Variants in THSD7A observed in about 807,000 individuals in gnomAD.
THSD7A encodes thrombospondin type 1 domain containing 7A.
A neutral mutation model predicts 231.3 loss-of-function variants in THSD7A; 96 were observed. The ratio of observed to expected loss-of-function variants is 0.41; its 90% CI spans 0.35 to 0.49. The LOEUF is 0.49. Among genes scored for constraint, THSD7A ranks in the 20% least tolerant of loss-of-function variants. The pLI, the probability that THSD7A is intolerant of heterozygous loss-of-function variation, is 0.05. For missense variants in THSD7A, 2,290 were observed against 2,070.2 expected, an observed-to-expected ratio of 1.11 and a Z score of -2.06; for synonymous variants, 940 against 743.3, an observed-to-expected ratio of 1.26 and a Z score of -4.30.
intron 6 of THSD7A, among the ~76,000 whole-genome samples, chr7:11,491,140 G>C (rs1786873915): frequency 1.3e-5 from 2 of 152,106 alleles, no homozygotes; most frequent in Non-Finnish European, 2.9e-5. Context: ...TAGACTCAGA[G>C]TATGATCTTC....
At chr7:11,448,602 C>A (rs2128295001) in intron 11 of THSD7A, among the ~76,000 whole-genome samples, 1 of 152,168 alleles carries the variant, frequency 6.6e-6, no homozygotes, top group African/African-American at 2.4e-5. Flanking sequence ...CATAGAGGGC[C>A]TCAGGTTAGA....
chr7:11,565,475 C>A (rs1413868187), intron 4 of THSD7A, among the ~76,000 whole-genome samples: 2 of 152,148 alleles, frequency 1.3e-5, no homozygotes, highest in Non-Finnish European at 2.9e-5. Flanking sequence ...GGGCAAGGAA[C>A]ACAAGGTTAC....
At chr7:11,395,113 A>T (rs1271258926) in intron 23 of THSD7A, among the ~76,000 whole-genome samples, 1 of 151,222 alleles carries the variant, frequency 6.6e-6, no homozygotes, top group East Asian at 1.9e-4. Flanking sequence ...AAATAAAGGG[A>T]TGGAGGAATA....
chr7:11,569,080 T>C (rs1198642016), intron 4 of THSD7A, among the ~76,000 whole-genome samples: 3 of 151,268 alleles, frequency 2.0e-5, no homozygotes, highest in Admixed American at 6.6e-5. Flanking sequence ...CCTGAAACTA[T>C]AAAATGACTA....
At chr7:11,714,305 CAT>C (rs1781061987) in intron 1 of THSD7A, among the ~76,000 whole-genome samples, 1 of 151,178 alleles carries the variant, frequency 6.6e-6, no homozygotes, top group African/African-American at 2.4e-5. Flanking sequence ...AACCCTATGA[CAT>C]GTGTATTTTT....
At chr7:11,379,755 C>G in intron 24 of THSD7A, 43 bp from the exon 25 acceptor site, 1 of 1,535,850 alleles carries the variant, frequency 6.5e-7, no homozygotes, top group Non-Finnish European at 8.8e-7. Context: ...ATATATTTTG[C>G]TATGATGAAA....
At chr7:11,493,389 C>G (rs1379430075) in intron 6 of THSD7A, among the ~76,000 whole-genome samples, 1 of 152,058 alleles carries the variant, frequency 6.6e-6, no homozygotes, top group South Asian at 2.1e-4. Flanking sequence ...GAGTCTAGCT[C>G]ACACGTTTCA....
chr7:11,605,296 A>G (rs116008033), intron 2 of THSD7A, among the ~76,000 whole-genome samples: 217 of 152,226 alleles, frequency 1.4e-3, no homozygotes, highest in African/African-American at 5.1e-3. Context: ...TGCATTTTGG[A>G]TGTCACCATA....
chr7:11,453,996 A>T (rs371354574), intron 11 of THSD7A, among the ~76,000 whole-genome samples: 1 of 152,044 alleles, frequency 6.6e-6, no homozygotes, highest in South Asian at 2.1e-4. Flanking sequence ...GAACTGTATA[A>T]ATATGAACAG....
intron 2 of THSD7A, among the ~76,000 whole-genome samples, chr7:11,595,178 A>G (rs1780314935): frequency 6.6e-6 from 1 of 152,074 alleles, no homozygotes; most frequent in Non-Finnish European, 1.5e-5. Flanking sequence ...GCCACCCCCA[A>G]CACCCCTGTT....
chr7:11,440,609 C>T (rs1446820770), intron 13 of THSD7A, among the ~76,000 whole-genome samples: 1 of 151,930 alleles, frequency 6.6e-6, no homozygotes, highest in East Asian at 1.9e-4. Context: ...TTCAAGACTT[C>T]AGTGGAGAAA....
chr7:11,765,856 G>T (rs563654388), intron 1 of THSD7A, among the ~76,000 whole-genome samples: 30 of 152,118 alleles, frequency 2.0e-4, no homozygotes, highest in Non-Finnish European at 3.7e-4. Context: ...TTAAAAATAG[G>T]TCAGAACCTG....
intron 1 of THSD7A, among the ~76,000 whole-genome samples, chr7:11,774,061 A>G (rs1783323283): frequency 6.6e-6 from 1 of 152,198 alleles, no homozygotes; most frequent in Non-Finnish European, 1.5e-5. Context: ...TATTGGCAGC[A>G]TTTGGTGATA....
intron 4 of THSD7A, among the ~76,000 whole-genome samples, chr7:11,568,360 T>C (rs1047819450): frequency 6.6e-5 from 10 of 152,160 alleles, no homozygotes; most frequent in African/African-American, 2.4e-4. Context: ...GAGTTTCTTT[T>C]CCTTAAAAAC....
chr7:11,390,628 C>T (rs933478595), intron 23 of THSD7A, among the ~76,000 whole-genome samples: 82 of 152,234 alleles, frequency 5.4e-4, no homozygotes, highest in Admixed American at 3.9e-4. Flanking sequence ...CAGTTTTGTT[C>T]CCTTGCTGGT....
rs1035019818 is a variant in THSD7A at position 11,460,727 on chromosome 7, G to A, written c.2540C>T (p.Pro847Leu). 1 of 1,612,534 alleles carries A rather than the reference G, an allele frequency of 6.2e-7. No homozygotes were observed. Among genetic ancestry groups the A allele is most frequent in the African/African-American group, 1.3e-5 (1 of 74,878 alleles). The stretch of plus-strand genomic sequence containing the variant: ...AGGGCTGTCTTGTTGCACGCTCCAA[G>A]GGACTAATTGGCATCTGCGCCATTT... ...THKWRRCQLV[P>L]WSVQQDSPGA... is the part of the protein sequence containing the mutation. Residue 847 changes from proline (P) to leucine (L), a missense_variant, in exon 11 of 28, where the codon CCT becomes CTT. Physicochemically the swap from Pro to Leu is moderately conservative, Grantham distance 98. Coordinates refer to ENST00000423059, the MANE Select transcript of THSD7A (RefSeq NM_015204.3).
chr7:11,561,554 C>T (rs1790076079), intron 4 of THSD7A, among the ~76,000 whole-genome samples: 1 of 152,130 alleles, frequency 6.6e-6, no homozygotes, highest in Non-Finnish European at 1.5e-5. Context: ...GAAGTAGGCA[C>T]AACTGTAATC....
chr7:11,375,941 T>A, intron 27 of THSD7A, 63 bp from the exon 28 acceptor site: 1 of 1,515,602 alleles, frequency 6.6e-7, no homozygotes, highest in Non-Finnish European at 9.1e-7. Context: ...TTGATTGCTT[T>A]AAGCGAAAAA....
chr7:11,750,105 A>G (rs1199631042), intron 1 of THSD7A, among the ~76,000 whole-genome samples: 2 of 151,574 alleles, frequency 1.3e-5, no homozygotes, highest in South Asian at 4.2e-4. Context: ...TAAAATTTAC[A>G]GGGAGCCACA....
Sources: gnomAD v4.1 joint callset for allele counts (sites outside exome capture counted in the v4.1 genomes callset) on GRCh38, gnomAD v4.1.1 for gene constraint, MANE v1.5 for transcripts, NCBI Gene and HGNC (gene_info 2026-07-23, HGNC 2026-07-21) for gene names.